C2orf66: variants seen among roughly 807,000 people sequenced by gnomAD.
C2orf66 encodes uncharacterized protein C2orf66.
Under a neutral mutation model 7.0 loss-of-function variants are expected in C2orf66, and 6 were observed. The observed-to-expected ratio is 0.86, with a 90% CI of 0.47 to 1.69. C2orf66 has a LOEUF of 1.69. Ranked by LOEUF, C2orf66 falls within the 40% of genes most tolerant of loss-of-function variation. The pLI is 0.01. For missense variants in C2orf66, 107 were observed against 112.0 expected (o/e 0.96, Z 0.20); for synonymous variants, 38 against 43.8 (o/e 0.87, Z 0.52).
At chr2:196,823,912 C>T in the C2orf66 span, among the ~76,000 whole-genome samples, 14 of 152,176 alleles carry the variant, frequency 9.2e-5, no homozygotes, top group African/African-American at 3.4e-4. Flanking sequence ...CTCAGAGATA[C>T]TTAGATATGG....
the C2orf66 span, among the ~76,000 whole-genome samples, chr2:196,824,432 C>T: frequency 6.6e-6 from 1 of 152,112 alleles, no homozygotes; most frequent in Non-Finnish European, 1.5e-5. Context: ...AAAAGAACTG[C>T]TTACCTCTTT....
chr2:196,815,087 C>T, the C2orf66 span, among the ~76,000 whole-genome samples: 1 of 152,130 alleles, frequency 6.6e-6, no homozygotes, highest in East Asian at 1.9e-4. Context: ...ACCCTAGCCT[C>T]CCGAGTAGCT....
At chr2:196,814,773 C>T in the C2orf66 span, among the ~76,000 whole-genome samples, 3 of 151,952 alleles carry the variant, frequency 2.0e-5, 1 homozygote, top group South Asian at 6.2e-4. Context: ...ATTGATAGTT[C>T]CATTTGTATA....
chr2:196,812,020 G>C (rs1699881301), upstream of C2orf66, among the ~76,000 whole-genome samples: 1 of 152,178 alleles, frequency 6.6e-6, no homozygotes, highest in Non-Finnish European at 1.5e-5. Flanking sequence ...GGACTGGATG[G>C]AGAGGAAAAT....
the C2orf66 span, among the ~76,000 whole-genome samples, chr2:196,828,219 C>T: frequency 7.4e-6 from 1 of 135,188 alleles, no homozygotes; most frequent in African/African-American, 3.1e-5. Flanking sequence ...ATCTCTCTCT[C>T]TCTCTCTCTC....
upstream of C2orf66, among the ~76,000 whole-genome samples, chr2:196,811,306 AG>A (rs1699873327): frequency 6.6e-6 from 1 of 152,232 alleles, no homozygotes; most frequent in Admixed American, 6.5e-5. Context: ...CATTTTTAAA[AG>A]GTTATTCTGG....
the C2orf66 span, among the ~76,000 whole-genome samples, chr2:196,815,484 T>G: frequency 1.3e-5 from 2 of 152,172 alleles, no homozygotes; most frequent in Non-Finnish European, 2.9e-5. Context: ...TTTGGTCTCT[T>G]CATTAAGTAG....
At chr2:196,814,918 G>A in the C2orf66 span, among the ~76,000 whole-genome samples, 2 of 152,080 alleles carry the variant, frequency 1.3e-5, no homozygotes, top group Admixed American at 1.3e-4. Flanking sequence ...TTTCCCTGAT[G>A]ATTAATAGAA....
chr2:196,817,321 G>A, the C2orf66 span, among the ~76,000 whole-genome samples: 15 of 140,782 alleles, frequency 1.1e-4, no homozygotes, highest in Admixed American at 4.5e-4. Flanking sequence ...TTCAAGCTCC[G>A]CCTCCTGGGT....
the C2orf66 span, among the ~76,000 whole-genome samples, chr2:196,831,772 T>C: frequency 1.6e-4 from 24 of 152,328 alleles, no homozygotes; most frequent in African/African-American, 5.3e-4. Flanking sequence ...CGGAGTACTA[T>C]GGGGTTACAA....
the C2orf66 span, among the ~76,000 whole-genome samples, chr2:196,829,393 A>C: frequency 2.6e-5 from 4 of 152,154 alleles, no homozygotes; most frequent in Non-Finnish European, 5.9e-5. Flanking sequence ...GTTTGAGACC[A>C]GTCTGGACAA....
the C2orf66 span, among the ~76,000 whole-genome samples, chr2:196,822,725 C>G: frequency 7.2e-5 from 11 of 152,242 alleles, no homozygotes; most frequent in African/African-American, 2.6e-4. Context: ...GAAAATACCC[C>G]CTTTCTCCAT....
At chr2:196,813,669 AATCT>A (rs1279470663), upstream of C2orf66, among the ~76,000 whole-genome samples, 1 of 152,208 alleles carries the variant, frequency 6.6e-6, no homozygotes, top group African/African-American at 2.4e-5. Flanking sequence ...AAATTTTTGC[AATCT>A]ATCTATCTGA....
the C2orf66 span, among the ~76,000 whole-genome samples, chr2:196,827,017 G>A: frequency 6.6e-6 from 1 of 150,848 alleles, no homozygotes; most frequent in Non-Finnish European, 1.5e-5. Flanking sequence ...GACGACAGAG[G>A]GAGGACTCTG....
chr2:196,821,126 AT>A, the C2orf66 span, among the ~76,000 whole-genome samples: 1 of 152,170 alleles, frequency 6.6e-6, no homozygotes, highest in Non-Finnish European at 1.5e-5. Flanking sequence ...GAGGGCTGGT[AT>A]GATGTGGCCA....
At chr2:196,814,646 T>G in the C2orf66 span, among the ~76,000 whole-genome samples, 3 of 152,118 alleles carry the variant, frequency 2.0e-5, no homozygotes, top group Non-Finnish European at 4.4e-5. Context: ...CCTTAGACAA[T>G]GCCCACCCTC....
At chr2:196,826,714 C>T in the C2orf66 span, among the ~76,000 whole-genome samples, 2 of 152,084 alleles carry the variant, frequency 1.3e-5, no homozygotes, top group African/African-American at 4.8e-5. Context: ...AGATGATAAA[C>T]TGTGTTATGT....
At chr2:196,831,542 C>T in the C2orf66 span, among the ~76,000 whole-genome samples, 1 of 152,160 alleles carries the variant, frequency 6.6e-6, no homozygotes, top group Non-Finnish European at 1.5e-5. Context: ...AATACCACTC[C>T]ATGCAGGCAT....
At chr2:196,811,601 G>C (rs62185627), upstream of C2orf66, among the ~76,000 whole-genome samples, 17,459 of 152,136 alleles carry the variant, frequency 0.11, 1,032 homozygotes, top group South Asian at 0.13. Flanking sequence ...ATATCAAACC[G>C]AGGCATGGAG....
Sources: allele counts gnomAD v4.1 joint callset (sites outside exome capture counted in the v4.1 genomes callset), GRCh38; gene constraint gnomAD v4.1.1; transcripts MANE v1.5; gene names NCBI Gene and HGNC (gene_info 2026-07-23, HGNC 2026-07-21).